XIRP2: variants seen among roughly 807,000 people sequenced by gnomAD.
XIRP2 encodes the protein xin actin binding repeat containing 2.
A neutral mutation model predicts 277.0 loss-of-function variants in XIRP2; 236 were observed. That is an observed-to-expected ratio of 0.85 (90% CI 0.77 to 0.95). The LOEUF is 0.95. Among genes scored for constraint, XIRP2 ranks in the 40% least tolerant of loss-of-function variants. The pLI, the probability that XIRP2 is intolerant of heterozygous loss-of-function variation, is 0.00. For synonymous variants in XIRP2, 1,490 were observed against 1,416.5 expected (o/e 1.05, Z -1.17); for missense variants, 4,640 against 4,157.5 (o/e 1.12, Z -3.19).
intron 2 of XIRP2, among the ~76,000 whole-genome samples, chr2:167,059,738 C>T (rs1427591045): frequency 1.3e-5 from 2 of 152,150 alleles, no homozygotes; most frequent in African/African-American, 4.8e-5. Context: ...ACATTGGAGA[C>T]TTCCAATGTC....
intron 2 of XIRP2, among the ~76,000 whole-genome samples, chr2:166,977,791 G>A (rs1211507852): frequency 1.3e-5 from 2 of 152,098 alleles, no homozygotes; most frequent in African/African-American, 4.8e-5. Context: ...CCAGGACCTG[G>A]TACAGAAGAT....
chr2:167,188,796 A>C (rs892390838), intron 3 of XIRP2, among the ~76,000 whole-genome samples: 1 of 152,234 alleles, frequency 6.6e-6, no homozygotes, highest in African/African-American at 2.4e-5. Flanking sequence ...GGAAAAATGC[A>C]GTCTGGAGTT....
Position 167,248,681 on chromosome 2 carries a change from C to T in XIRP2, c.7289C>T (p.Pro2430Leu). ...PPPTLPKPKL[P>L]KHIKDNKNDF... ...CCCACATTGCCCAAACCCAAACTTC[C>T]CAAGCATATAAAAGATAATAAGAAC... Residue 2430 changes from proline (P) to leucine (L), a missense_variant, in exon 9 of 11, where the codon CCC (proline) becomes CTC (leucine). Coordinates refer to ENST00000409195, the MANE Select transcript of XIRP2 (RefSeq NM_152381.6). The T allele has an allele frequency of 6.2e-7, 1 of 1,613,724 alleles. No individual in the cohort carries two copies. The highest frequency in any genetic ancestry group is 8.5e-7 in the Non-Finnish European group (1 of 1,179,824).
chr2:167,000,563 C>T (rs1574149039), intron 2 of XIRP2, among the ~76,000 whole-genome samples: 1 of 145,196 alleles, frequency 6.9e-6, no homozygotes, highest in Admixed American at 6.9e-5. Context: ...GGTATGGATT[C>T]TTCCAAGAAA....
At chr2:167,150,674 G>A (rs1231614521) in intron 3 of XIRP2, among the ~76,000 whole-genome samples, 1 of 151,902 alleles carries the variant, frequency 6.6e-6, no homozygotes, top group Admixed American at 6.6e-5. Flanking sequence ...ATCATTGTTG[G>A]TGTATTACTT....
intron 2 of XIRP2, among the ~76,000 whole-genome samples, chr2:167,105,791 T>C (rs1349373992): frequency 6.6e-6 from 1 of 151,820 alleles, no homozygotes; most frequent in Non-Finnish European, 1.5e-5. Context: ...AGTGATCCAG[T>C]TTTTCCACAC....
rs747702232 is a variant in XIRP2 at position 167,245,717 on chromosome 2, A to G, written c.4325A>G (p.Asn1442Ser). 6.2e-6 allele frequency: 10 copies of G among 1,613,708 alleles called. No individual in the cohort carries two copies. The South Asian group carries it at 1.1e-4, about 18-fold the overall frequency. Residue 1442 changes from asparagine to serine, a missense_variant, in exon 9 of 11, where the codon AAT (asparagine) becomes AGT (serine). Transcript: ENST00000409195. ...AACTATATACGAACAGTAAGTGTCA[A>G]TGAAATACAAAAGGGCAATGTTAAA... Reference protein sequence around the residue: ...KNNYIRTVSVNEIQKGNVKTS... With the variant: ...KNNYIRTVSVSEIQKGNVKTS...
intron 2 of XIRP2, among the ~76,000 whole-genome samples, chr2:167,053,205 A>G (rs1443792676): frequency 6.6e-6 from 1 of 152,248 alleles, no homozygotes; most frequent in Non-Finnish European, 1.5e-5. Context: ...CCTACTCTAC[A>G]GCTATAATTT....
At position 166,903,337 on chromosome 2, in the gene XIRP2, G is replaced by T. The variant is rs1684431349; in HGVS notation, c.-18-128G>T. On this transcript the variant is annotated intron_variant, in intron 1 of 10. Transcript: ENST00000409195. ...GAAGAGCCAGAAATTGTGTGGAATTGTATAGGAAAGCTGGATTTCTTTACT... is the reference window on the plus strand; with the variant it reads ...GAAGAGCCAGAAATTGTGTGGAATTTTATAGGAAAGCTGGATTTCTTTACT... 1.3e-5 allele frequency: 11 copies of T among 852,182 alleles called. No homozygotes were observed. In the South Asian group the frequency reaches 2.0e-4, roughly 16 times the overall value. The allele number at this position is 852,182 out of a possible 1,614,324, so 52.8% of individuals were successfully genotyped here.
chr2:166,979,354 CTTTTCTTTTCTTTTCTT>C (rs1272228635), intron 2 of XIRP2, among the ~76,000 whole-genome samples: 60 of 117,280 alleles, frequency 5.1e-4, no homozygotes, highest in African/African-American at 2.0e-3. Flanking sequence ...CTTTTCTTTT[CTTTTCTTTTCTTTTCTT>C]TTTTTTTTTT....
At chr2:167,190,356 C>T (rs971262609) in intron 3 of XIRP2, among the ~76,000 whole-genome samples, 1 of 152,050 alleles carries the variant, frequency 6.6e-6, no homozygotes, top group Non-Finnish European at 1.5e-5. Context: ...GCAACCAGCC[C>T]CTATCCTGAA....
At chr2:166,891,270 G>T (rs1211445739) in intron 1 of XIRP2, among the ~76,000 whole-genome samples, 1 of 152,072 alleles carries the variant, frequency 6.6e-6, no homozygotes, top group East Asian at 1.9e-4. Flanking sequence ...TGCCTTAGCT[G>T]GTTCACTTAA....
At chr2:166,937,166 G>A (rs895660764) in intron 2 of XIRP2, among the ~76,000 whole-genome samples, 1 of 152,130 alleles carries the variant, frequency 6.6e-6, no homozygotes, top group African/African-American at 2.4e-5. Context: ...CCTATCCTGT[G>A]CCAGTTTCAA....
At chr2:166,936,787 C>A (rs1358724973) in intron 2 of XIRP2, among the ~76,000 whole-genome samples, 1 of 152,058 alleles carries the variant, frequency 6.6e-6, no homozygotes, top group East Asian at 1.9e-4. Flanking sequence ...TGTTTTGGTA[C>A]CAGTACCATG....
At chr2:166,940,339 C>A (rs1233475114) in intron 2 of XIRP2, among the ~76,000 whole-genome samples, 3 of 152,152 alleles carry the variant, frequency 2.0e-5, no homozygotes, top group Non-Finnish European at 2.9e-5. Context: ...TTCTAGTTAG[C>A]CATTCATCTA....
chr2:166,976,495 A>G (rs2105427046), intron 2 of XIRP2, among the ~76,000 whole-genome samples: 1 of 152,254 alleles, frequency 6.6e-6, no homozygotes, highest in East Asian at 1.9e-4. Flanking sequence ...TCTAATGTTT[A>G]CTGGAGTAGT....
chr2:167,212,000 G>T lies in XIRP2; in HGVS notation c.723+1105G>T, dbSNP rs1438001985. Among the ~76,000 whole-genome samples, 8 of 152,250 alleles carry T rather than the reference G, an allele frequency of 5.3e-5. 1 individual carries two copies. Among genetic ancestry groups the T allele is most frequent in the African/African-American group, 1.4e-4 (6 of 41,544 alleles). On this transcript the variant is annotated intron_variant, in intron 4 of 10. Coordinates refer to ENST00000409195, the MANE Select transcript of XIRP2 (RefSeq NM_152381.6). ...GAGAGAGAGAGAAAAGCCAAAAAAG[G>T]TGGTGTATTAAAATAGCTACACTTA... is the stretch of plus-strand genomic sequence containing the variant.
intron 2 of XIRP2, among the ~76,000 whole-genome samples, chr2:167,093,713 A>G (rs1159216250): frequency 6.6e-6 from 1 of 152,034 alleles, no homozygotes; most frequent in Admixed American, 6.6e-5. Flanking sequence ...ATCCTGTCTA[A>G]CATTGATGGG....
intron 2 of XIRP2, among the ~76,000 whole-genome samples, chr2:167,023,060 C>T (rs548044536): frequency 1.3e-5 from 2 of 152,318 alleles, no homozygotes; most frequent in South Asian, 4.1e-4. Context: ...AACTAGTTTA[C>T]AGTCCCACCA....
Sources: gnomAD v4.1 joint callset for allele counts (sites outside exome capture counted in the v4.1 genomes callset) on GRCh38, gnomAD v4.1.1 for gene constraint, MANE v1.5 for transcripts, NCBI Gene and HGNC (gene_info 2026-07-23, HGNC 2026-07-21) for gene names.